Variants in DERL1 observed in about 807,000 individuals in gnomAD.
The protein encoded by DERL1 is derlin 1.
DERL1 carries 24 observed loss-of-function variants against 41.6 expected under a neutral mutation model. The observed-to-expected ratio is 0.58, with a 90% CI of 0.42 to 0.81. DERL1 has a LOEUF of 0.81. DERL1 is among the 30% of genes least tolerant of loss of function. DERL1 has a pLI of 0.00. For synonymous variants in DERL1, 124 were observed against 112.5 expected (o/e 1.10, Z -0.65); for missense variants, 260 against 314.3 (o/e 0.83, Z 1.31).
chr8:123,037,341 C>T (rs1349293671), intron 1 of DERL1, among the ~76,000 whole-genome samples: 2 of 152,154 alleles, frequency 1.3e-5, no homozygotes, highest in Non-Finnish European at 2.9e-5. Context: ...ACAATCAATA[C>T]ACTCGTTGAA....
intron 6 of DERL1, among the ~76,000 whole-genome samples, chr8:123,020,517 G>A (rs1349959206): frequency 6.6e-6 from 1 of 151,700 alleles, no homozygotes; most frequent in Admixed American, 6.6e-5. Context: ...CAGAAAAAAT[G>A]AAGAAATGGG....
chr8:123,023,764 G>A (rs1310579463), intron 3 of DERL1, 25 bp from the exon 4 acceptor site: 1 of 1,609,206 alleles, frequency 6.2e-7, no homozygotes, highest in Non-Finnish European at 8.5e-7. Flanking sequence ...TTAAAGATCA[G>A]ACATAAAAAA....
At position 123,022,789 on chromosome 8, in the gene DERL1, A is replaced by G; in HGVS notation, c.358-10T>C. 6.2e-7 allele frequency: 1 copy of G among 1,613,552 alleles called. No individual in the cohort carries two copies. Among genetic ancestry groups the G allele is most frequent in the Middle Eastern group, 1.6e-4 (1 of 6,062 alleles). On this transcript the variant is annotated splice_polypyrimidine_tract_variant and intron_variant, in intron 4 of 7. Transcript: ENST00000259512. ...GAGGAATCATCAGCAACTGCAAAAG[A>G]AGTCGACATGTAAAAACCAGGCTCC...
chr8:123,019,281 A>G lies in DERL1; in HGVS notation c.531T>C (p.Asn177=), dbSNP rs1166366513. 1 of 1,613,882 alleles carries G rather than the reference A, an allele frequency of 6.2e-7. No individual in the cohort carries two copies. Among genetic ancestry groups the G allele is most frequent in the Non-Finnish European group, 8.5e-7 (1 of 1,179,874 alleles). The change falls in exon 7 of 8, where the codon AAT becomes AAC. Residue 177 remains asparagine, a synonymous_variant. Transcript: ENST00000259512. ...GGAAAAAATAAAGATGTCCAACCAG[A>G]TTTCCAATAAGCTCATTGATTACCC... ...GGSVINELIG[N]LVGHLYFFLM...
chr8:123,022,827 A>G, intron 4 of DERL1, 48 bp from the exon 5 acceptor site: 1 of 1,524,612 alleles, frequency 6.6e-7, no homozygotes. Context: ...AGGCACTTAA[A>G]AAAGGTGTAC....
chr8:123,037,406 C>T (rs896089417), intron 1 of DERL1, among the ~76,000 whole-genome samples: 1 of 152,048 alleles, frequency 6.6e-6, no homozygotes, highest in African/African-American at 2.4e-5. Context: ...GATGGTGCAT[C>T]GTATAATCAA....
intron 2 of DERL1, among the ~76,000 whole-genome samples, chr8:123,029,919 G>T (rs775271305): frequency 6.6e-6 from 1 of 152,020 alleles, no homozygotes; most frequent in Non-Finnish European, 1.5e-5. Flanking sequence ...AATTAGCCGG[G>T]TATGGTGGCA....
chr8:123,027,913 T>C (rs1812736848), intron 2 of DERL1, among the ~76,000 whole-genome samples: 2 of 151,976 alleles, frequency 1.3e-5, no homozygotes, highest in Admixed American at 1.3e-4. Flanking sequence ...AACACAAAAA[T>C]TAGCCAGATG....
chr8:123,022,629 AGAG>A (rs1812590110), intron 5 of DERL1, 52 bp downstream of exon 5: 1 of 1,535,780 alleles, frequency 6.5e-7, no homozygotes, highest in Non-Finnish European at 9.0e-7. Flanking sequence ...TCTGGACTGA[AGAG>A]GGATTTCTGC....
At chr8:123,030,581 T>C (rs997442740) in intron 2 of DERL1, 24 bp downstream of exon 2, 1 of 1,502,286 alleles carries the variant, frequency 6.7e-7, no homozygotes, top group African/African-American at 1.4e-5. Flanking sequence ...GAAACAATGC[T>C]TAAAACAACT....
At chr8:123,023,840 G>T in intron 3 of DERL1, 101 bp from the exon 4 acceptor site, 1 of 1,341,954 alleles carries the variant, frequency 7.5e-7, no homozygotes, top group Non-Finnish European at 1.0e-6. Flanking sequence ...ACTTGGCCAG[G>T]TGTAATTTGG....
At chr8:123,021,151 CTGTT>C (rs745981139) in intron 6 of DERL1, among the ~76,000 whole-genome samples, 4 of 152,112 alleles carry the variant, frequency 2.6e-5, no homozygotes, top group Non-Finnish European at 5.9e-5. Context: ...AATTAGGTCT[CTGTT>C]TGCCCAATCA....
chr8:123,040,798 G>A (rs1022773243), intron 1 of DERL1, among the ~76,000 whole-genome samples: 3 of 152,246 alleles, frequency 2.0e-5, no homozygotes, highest in Non-Finnish European at 4.4e-5. Flanking sequence ...AGATGACTCC[G>A]ACAATTAACT....
chr8:123,030,366 T>C lies in DERL1; in HGVS notation c.265+239A>G, dbSNP rs1812796193. 25 of 348,654 alleles carry C rather than the reference T, an allele frequency of 7.2e-5. 2 individuals are homozygous for C. In the South Asian group the frequency reaches 9.0e-4, roughly 13 times the overall value. 21.6% of individuals were successfully genotyped at this position (348,654 alleles called of 1,614,324 possible). On this transcript the variant is annotated intron_variant, in intron 2 of 7. Coordinates refer to ENST00000259512, the MANE Select transcript of DERL1 (RefSeq NM_024295.6). Reference sequence around the variant, plus strand: ...ATGGACAAGCCATGTCAACCTCTGATCTGCTACTTTTTGCATCTATAAAAT... The same window carrying C: ...ATGGACAAGCCATGTCAACCTCTGACCTGCTACTTTTTGCATCTATAAAAT...
chr8:123,020,665 A>G (rs950080540), intron 6 of DERL1, among the ~76,000 whole-genome samples: 1 of 150,132 alleles, frequency 6.7e-6, no homozygotes, highest in African/African-American at 2.5e-5. Flanking sequence ...GTTCTGTATT[A>G]TCATCCAGGC....
rs1162059349 is a variant in DERL1 at position 123,019,299 on chromosome 8, G to A, written c.513C>T (p.Ile171=). ...GFNYIIGGSV[I]NELIGNLVGH... ...CAACCAGATTTCCAATAAGCTCATT[G>A]ATTACCCTGCAAAGAGAGCCAAATG... The change falls in exon 7 of 8, where the codon ATC becomes ATT. Residue 171 remains isoleucine, a synonymous_variant. Coordinates refer to ENST00000259512, the MANE Select transcript of DERL1 (RefSeq NM_024295.6). The A allele has an allele frequency of 6.2e-7, 1 of 1,610,820 alleles. No homozygotes were observed. Among genetic ancestry groups the A allele is most frequent in the East Asian group, 2.2e-5 (1 of 44,884 alleles).
At chr8:123,038,472 C>G (rs1038785451) in intron 1 of DERL1, among the ~76,000 whole-genome samples, 3 of 152,222 alleles carry the variant, frequency 2.0e-5, no homozygotes, top group African/African-American at 7.2e-5. Context: ...GTCCTGCCTC[C>G]TGCTGGCAGC....
intron 6 of DERL1, 88 bp from the exon 7 acceptor site, chr8:123,019,393 A>C: frequency 1.1e-6 from 1 of 916,438 alleles, no homozygotes; most frequent in Non-Finnish European, 1.7e-6. Context: ...GAGAGCCTTC[A>C]AGGCAGCCCA....
chr8:123,023,706 C>T lies in DERL1; in HGVS notation c.357+7G>A, dbSNP rs754684129. On this transcript the variant is annotated splice_region_variant and intron_variant, in intron 4 of 7. Coordinates refer to ENST00000259512, the MANE Select transcript of DERL1 (RefSeq NM_024295.6). ...AGGGCAAATAGATAGTTTAAATGGA[C>T]ACTTACCTGCATATCCATTGCTAAG... is the stretch of plus-strand genomic sequence containing the variant. 4 of 1,605,648 alleles carry T rather than the reference C, an allele frequency of 2.5e-6. No homozygotes were observed. The Admixed American group carries it at 5.1e-5, about 20-fold the overall frequency.
Sources: allele counts gnomAD v4.1 joint callset (sites outside exome capture counted in the v4.1 genomes callset), GRCh38; gene constraint gnomAD v4.1.1; transcripts MANE v1.5; gene names NCBI Gene and HGNC (gene_info 2026-07-23, HGNC 2026-07-21).